Variants in ARHGEF16 observed in about 807,000 individuals in gnomAD.
The protein encoded by ARHGEF16 is Rho guanine nucleotide exchange factor 16.
Under a neutral mutation model 74.1 loss-of-function variants are expected in ARHGEF16, and 59 were observed. That is an observed-to-expected ratio of 0.80 (90% CI 0.65 to 0.99). The LOEUF is 0.99. Ranked by LOEUF, ARHGEF16 falls within the 50% of genes least tolerant of loss-of-function variation. The probability of loss-of-function intolerance (pLI) is 0.00; values close to 1 mark genes in which losing one functional copy is unlikely to be tolerated. For synonymous variants in ARHGEF16, 415 were observed against 412.6 expected (o/e 1.01, Z -0.07); for missense variants, 948 against 986.6 (o/e 0.96, Z 0.52).
chr1:3,467,207 A>G lies in ARHGEF16; in HGVS notation c.674A>G (p.Asn225Ser). ...CAGGAGATCCAGGAGCGGGGCCTGA[A>G]CACCAGCCAGGAGTCTGATGACGAC... ...LYQEIQERGL[N>S]TSQESDDDIL... The change falls in exon 4 of 15, where the codon AAC becomes AGC. Residue 225 changes from asparagine to serine, a missense_variant. Asn to Ser is a conservative substitution (Grantham distance 46). Coordinates refer to ENST00000378378, the MANE Select transcript of ARHGEF16 (RefSeq NM_014448.4). 1 of 1,550,606 alleles carries G rather than the reference A, an allele frequency of 6.4e-7. No homozygotes were observed. Among genetic ancestry groups the G allele is most frequent in the African/African-American group, 1.4e-5 (1 of 73,180 alleles).
intron 13 of ARHGEF16, 110 bp from the exon 14 acceptor site, chr1:3,479,702 C>T (rs1319101040): frequency 2.1e-5 from 32 of 1,554,854 alleles, no homozygotes; most frequent in South Asian, 5.7e-5. Context: ...GCCTGGCAGT[C>T]GGGGGATGGG....
Position 3,473,101 on chromosome 1 carries a change from G to A in ARHGEF16, c.1046G>A (p.Arg349Gln), listed in dbSNP as rs536938385. The change falls in exon 7 of 15, where the codon CGG (arginine) becomes CAG (glutamine). Residue 349 changes from arginine (R) to glutamine (Q), a missense_variant. By Grantham distance (43) the Arg-to-Gln change is conservative. Coordinates refer to ENST00000378378, the MANE Select transcript of ARHGEF16 (RefSeq NM_014448.4). ...SQRFFEDLEQ[R>Q]HKAQVLVEDI... ...AGGTTCTTCGAGGACCTGGAGCAGC[G>A]GCACAAGGCCCAGGTGCTGGTCGAG... The A allele has an allele frequency of 2.5e-5, 40 of 1,613,172 alleles. No homozygotes were observed. Among genetic ancestry groups the A allele is most frequent in the East Asian group, 2.5e-4 (11 of 44,882 alleles).
Position 3,471,949 on chromosome 1 carries a change from C to T in ARHGEF16, c.1023-1129C>T, listed in dbSNP as rs563246792. ...CCATGACCTGCTGGGTCCTCGTCCA[C>T]GGGGACTGCAGCTCCATCTGCTGGG... On this transcript the variant is annotated intron_variant, in intron 6 of 14. Transcript: ENST00000378378. 1.1e-3 allele frequency among the ~76,000 whole-genome samples: 175 copies of T among 152,368 alleles called. 2 individuals are homozygous for T. Among genetic ancestry groups the T allele is most frequent in the African/African-American group, 2.2e-3 (91 of 41,588 alleles).
At chr1:3,460,114 G>T (rs557054607) in intron 1 of ARHGEF16, among the ~76,000 whole-genome samples, 2 of 152,360 alleles carry the variant, frequency 1.3e-5, no homozygotes, top group Non-Finnish European at 2.9e-5. Flanking sequence ...CCCGAGAGCC[G>T]GCTCCTGGGG....
rs775451335 is a variant in ARHGEF16, at chr1:3,480,568, G to A, written c.2111G>A (p.Arg704Gln). Residue 704 changes from arginine (R) to glutamine (Q), a missense_variant, in exon 15 of 15, where the codon CGG (arginine) becomes CAG (glutamine). Coordinates refer to ENST00000378378, the MANE Select transcript of ARHGEF16 (RefSeq NM_014448.4). The stretch of plus-strand genomic sequence containing the variant: ...AATGTCCGCAGGATGGAGCGTCTGC[G>A]GGTGGAGACGGACGTGTAGCCCTGG... ...EGNVRRMERL[R>Q]VETDV 13 of 1,608,550 alleles carry A rather than the reference G, an allele frequency of 8.1e-6. No individual in the cohort carries two copies. The highest frequency in any genetic ancestry group is 1.1e-5 in the South Asian group (1 of 91,076).
At position 3,473,488 on chromosome 1, in the gene ARHGEF16, T is replaced by G. The variant is rs1453598747; in HGVS notation, c.1271T>G (p.Met424Arg). Residue 424 changes from methionine to arginine, a missense_variant, in exon 8 of 15, where the codon ATG (methionine) becomes AGG (arginine). Physicochemically the swap from Met to Arg is moderately conservative, Grantham distance 91. Transcript: ENST00000378378. ...LPMLSFLILP[M>R]QRVTRLPLLM... ...ATGCTCTCCTTCCTGATCCTCCCCA[T>G]GCAGCGGGTGACCCGGCTGCCCCTC... 7.4e-6 allele frequency: 12 copies of G among 1,611,482 alleles called. No homozygotes were observed. Among genetic ancestry groups the G allele is most frequent in the East Asian group, 4.5e-5 (2 of 44,880 alleles).
Position 3,474,730 on chromosome 1 carries a change from GC to G in ARHGEF16, c.1330del (p.His444ThrfsTer12). On this transcript the variant is annotated frameshift_variant, in exon 9 of 15. Transcript: ENST00000378378. LOFTEE classifies it high-confidence loss of function. ...CAGACGCTCTGCCTCAAGACCCAGGGCCACTCCGAAAGGTACAAGGCTGCCA... is the reference window on the plus strand; with the variant it reads ...CAGACGCTCTGCCTCAAGACCCAGGGCACTCCGAAAGGTACAAGGCTGCCA... ...LMDTLCLKTQ[G>X]HSERYKAASR... 1 of 1,612,890 alleles carries G rather than the reference GC, an allele frequency of 6.2e-7. No homozygotes were observed.
intron 11 of ARHGEF16, 151 bp downstream of exon 11, chr1:3,478,177 C>A: frequency 1.7e-6 from 2 of 1,164,872 alleles, no homozygotes; most frequent in Non-Finnish European, 2.5e-6. Flanking sequence ...CTACGTGACA[C>A]TCGGGGGCAG....
In ARHGEF16 at chr1:3,467,247, C is replaced by T; in HGVS notation, c.714C>T (p.Ser238=). The part of the protein sequence containing the change: ...QESDDDILDE[S]SSPEGTQKVD... Reference sequence around the variant, plus strand: ...CTGATGACGACATCCTCGATGAGTCCTCCAGCCCCGAGGGAACCCAGAAGG... The same window carrying T: ...CTGATGACGACATCCTCGATGAGTCTTCCAGCCCCGAGGGAACCCAGAAGG... Residue 238 remains serine (S), a synonymous_variant, in exon 4 of 15, where the codon TCC becomes TCT. Transcript: ENST00000378378. 2 of 1,550,528 alleles carry T rather than the reference C, an allele frequency of 1.3e-6. No homozygotes were observed. The highest frequency in any genetic ancestry group is 1.2e-5 in the South Asian group (1 of 84,056).
chr1:3,468,946 C>A lies in ARHGEF16; in HGVS notation c.861+10C>A. The A allele has an allele frequency of 1.9e-6, 3 of 1,549,860 alleles. No homozygotes were observed. The highest frequency in any genetic ancestry group is 2.6e-6 in the Non-Finnish European group (3 of 1,146,792). On this transcript the variant is annotated intron_variant, in intron 5 of 14. Coordinates refer to ENST00000378378, the MANE Select transcript of ARHGEF16 (RefSeq NM_014448.4). ...GCGGAAAAGGCAGGAGGTAAAAGGG[C>A]CCTGGGCGGGAGGGCTGTCCCCCAT... is the stretch of plus-strand genomic sequence containing the variant.
chr1:3,457,398 G>A (rs1639288653), intron 1 of ARHGEF16, among the ~76,000 whole-genome samples: 1 of 152,214 alleles, frequency 6.6e-6, no homozygotes, highest in African/African-American at 2.4e-5. Context: ...CTGGAGGCCT[G>A]TGCAACATCC....
At chr1:3,476,197 G>A (rs1400889230) in intron 10 of ARHGEF16, 135 bp downstream of exon 10, 35 of 866,092 alleles carry the variant, frequency 4.0e-5, no homozygotes, top group Non-Finnish European at 5.8e-5. Context: ...CTGGGGGCTG[G>A]GCCTCCTAGG....
Position 3,473,033 on chromosome 1 carries a change from G to A in ARHGEF16, c.1023-45G>A, listed in dbSNP as rs762190091. On this transcript the variant is annotated intron_variant, in intron 6 of 14. Transcript: ENST00000378378. The stretch of plus-strand genomic sequence containing the variant: ...GTCTGTGTGTGCACACGTGGGGCCC[G>A]ACCACCAGGCCCGTGGCACCCTCCT... 57 of 1,594,610 alleles carry A rather than the reference G, an allele frequency of 3.6e-5. No homozygotes were observed. The East Asian group carries it at 9.4e-4, about 26-fold the overall frequency.
In ARHGEF16 at chr1:3,469,504, G is replaced by A; in HGVS notation, c.933G>A (p.Leu311=). ...HSLSILVEEF[L]QSKELRATVT... The stretch of plus-strand genomic sequence containing the variant: ...TGAGCATCCTGGTGGAGGAGTTCCT[G>A]CAGTCCAAGGAGCTGCGGGCGACCG... The change falls in exon 6 of 15, where the codon CTG becomes CTA. Residue 311 remains leucine (L), a synonymous_variant. Transcript: ENST00000378378. 1.2e-6 allele frequency: 2 copies of A among 1,613,232 alleles called. No homozygotes were observed. The highest frequency in any genetic ancestry group is 1.7e-6 in the Non-Finnish European group (2 of 1,180,008).
intron 7 of ARHGEF16, 79 bp from the exon 8 acceptor site, chr1:3,473,314 C>T: frequency 6.3e-7 from 1 of 1,579,942 alleles, no homozygotes; most frequent in South Asian, 1.2e-5. Flanking sequence ...TGCTCCCAGC[C>T]CAGCTTCTGC....
chr1:3,467,107 C>T, intron 3 of ARHGEF16, 61 bp from the exon 4 acceptor site: 2 of 1,491,532 alleles, frequency 1.3e-6, no homozygotes, highest in South Asian at 2.6e-5. Context: ...TGGCGGGTTG[C>T]AGGGAGGCGC....
At chr1:3,471,892 C>G (rs1275512731) in intron 6 of ARHGEF16, 1 of 960,488 alleles carries the variant, frequency 1.0e-6, no homozygotes, top group Non-Finnish European at 1.3e-6. Context: ...GTACGCATGT[C>G]GTGGCCCTGC....
intron 6 of ARHGEF16, among the ~76,000 whole-genome samples, chr1:3,470,736 T>A (rs1032410207): frequency 6.7e-6 from 1 of 148,348 alleles, no homozygotes; most frequent in African/African-American, 2.5e-5. Context: ...GGGGTGTGTG[T>A]GAGTGGGCTG....
chr1:3,474,589 G>T, intron 8 of ARHGEF16, 119 bp from the exon 9 acceptor site: 2 of 898,470 alleles, frequency 2.2e-6, no homozygotes, highest in South Asian at 1.5e-5. Context: ...CCCTGCAGGA[G>T]CCCCCTGGGG....
Sources: gnomAD v4.1 joint callset for allele counts (sites outside exome capture counted in the v4.1 genomes callset) on GRCh38, gnomAD v4.1.1 for gene constraint, MANE v1.5 for transcripts, NCBI Gene and HGNC (gene_info 2026-07-23, HGNC 2026-07-21) for gene names.